The following SGCZ variants were observed in gnomAD, a reference collection of about 807,000 sequenced individuals.
The protein encoded by SGCZ is sarcoglycan zeta.
In SGCZ, 40 loss-of-function variants were observed where a neutral mutation model predicts 41.3. The ratio of observed to expected loss-of-function variants is 0.97; its 90% CI spans 0.75 to 1.26. The LOEUF (loss-of-function observed/expected upper bound fraction) is 1.26, where lower values mean the gene tolerates loss of function less well. SGCZ is among the 50% of genes most tolerant of loss of function. SGCZ has a pLI of 0.00. For synonymous variants in SGCZ, 206 were observed against 137.5 expected, an observed-to-expected ratio of 1.50 and a Z score of -3.49; for missense variants, 552 against 369.8, an observed-to-expected ratio of 1.49 and a Z score of -4.04.
intron 4 of SGCZ, among the ~76,000 whole-genome samples, chr8:14,232,318 G>C (rs1270814907): frequency 6.6e-6 from 1 of 151,940 alleles, no homozygotes; most frequent in Non-Finnish European, 1.5e-5. Flanking sequence ...GATCTCTGAA[G>C]AAACCAGTCA....
chr8:14,246,604 A>ATTATT (rs1799100542), intron 3 of SGCZ, among the ~76,000 whole-genome samples: 1 of 151,744 alleles, frequency 6.6e-6, no homozygotes. Flanking sequence ...AATAAGAAAA[A>ATTATT]AAAAAAGAAA....
chr8:14,691,182 G>C (rs1287893093), intron 1 of SGCZ, among the ~76,000 whole-genome samples: 7 of 152,094 alleles, frequency 4.6e-5, no homozygotes, highest in Non-Finnish European at 1.0e-4. Flanking sequence ...AGTCTATCTA[G>C]ATGAATCAAC....
chr8:14,396,984 G>C (rs1798938005), intron 2 of SGCZ, among the ~76,000 whole-genome samples: 1 of 152,072 alleles, frequency 6.6e-6, no homozygotes, highest in Non-Finnish European at 1.5e-5. Flanking sequence ...TAAGATTGTT[G>C]TTGAAAATAA....
intron 2 of SGCZ, among the ~76,000 whole-genome samples, chr8:14,551,598 T>TATATATATA (rs1803864824): frequency 3.8e-5 from 1 of 26,628 alleles, no homozygotes; most frequent in Non-Finnish European, 6.0e-5. Context: ...TAATATATAT[T>TATATATATA]ATATATATTA....
At chr8:14,610,973 T>A (rs73194124) in intron 1 of SGCZ, among the ~76,000 whole-genome samples, 1 of 152,164 alleles carries the variant, frequency 6.6e-6, no homozygotes, top group Admixed American at 6.6e-5. Flanking sequence ...ACATTTCCTG[T>A]TTTCTTTGAT....
intron 1 of SGCZ, among the ~76,000 whole-genome samples, chr8:15,046,584 C>A (rs1804309207): frequency 6.6e-6 from 1 of 151,972 alleles, no homozygotes; most frequent in African/African-American, 2.4e-5. Context: ...ATATTCTAGA[C>A]TTATCTTGTT....
rs150723591 is a variant in SGCZ, at chr8:14,443,193, C to T, written c.234+111539G>A. Among the ~76,000 whole-genome samples, 342 of 152,290 alleles carry T rather than the reference C, an allele frequency of 2.2e-3. 4 individuals carry two copies. Among genetic ancestry groups the T allele is most frequent in the Non-Finnish European group, 4.0e-3 (271 of 68,034 alleles). On this transcript the variant is annotated intron_variant, in intron 2 of 7. Coordinates refer to ENST00000382080, the MANE Select transcript of SGCZ (RefSeq NM_139167.4). ...AACAAATGGAAGAATATTCCATGCT[C>T]ATGGGTAGGAAGAATCAATATTGTG...
intron 3 of SGCZ, among the ~76,000 whole-genome samples, chr8:14,308,499 G>A (rs1801418697): frequency 6.6e-6 from 1 of 151,840 alleles, no homozygotes; most frequent in Non-Finnish European, 1.5e-5. Flanking sequence ...TCAATGCAGG[G>A]TACCAAGGGC....
chr8:14,770,244 C>G (rs1800190473), intron 1 of SGCZ, among the ~76,000 whole-genome samples: 1 of 151,532 alleles, frequency 6.6e-6, no homozygotes, highest in Non-Finnish European at 1.5e-5. Flanking sequence ...TTGACGAGTT[C>G]TAGCAGACTA....
intron 2 of SGCZ, among the ~76,000 whole-genome samples, chr8:14,530,922 C>G (rs1803109165): frequency 6.6e-6 from 1 of 152,170 alleles, no homozygotes; most frequent in African/African-American, 2.4e-5. Context: ...AAGTGAGGCT[C>G]TACTACAGGT....
intron 5 of SGCZ, among the ~76,000 whole-genome samples, chr8:14,143,373 A>T (rs973752054): frequency 1.3e-5 from 2 of 152,210 alleles, no homozygotes; most frequent in African/African-American, 4.8e-5. Context: ...GGAAGAAATA[A>T]AATTTTCTCT....
chr8:15,131,021 T>A (rs1807878577), intron 1 of SGCZ, among the ~76,000 whole-genome samples: 1 of 152,180 alleles, frequency 6.6e-6, no homozygotes, highest in African/African-American at 2.4e-5. Context: ...TACTAGGATT[T>A]TTTTCAAAAT....
chr8:14,941,092 A>G (rs1024012342), intron 1 of SGCZ, among the ~76,000 whole-genome samples: 2 of 152,140 alleles, frequency 1.3e-5, no homozygotes, highest in African/African-American at 4.8e-5. Flanking sequence ...CAAAGTTTAA[A>G]AAAAGAGTTA....
At chr8:14,763,850 ATAGT>A (rs1488545099) in intron 1 of SGCZ, among the ~76,000 whole-genome samples, 1 of 152,242 alleles carries the variant, frequency 6.6e-6, no homozygotes, top group Non-Finnish European at 1.5e-5. Context: ...AAGGACACAG[ATAGT>A]TAGGAACTAT....
chr8:15,156,472 A>G (rs1799333540), intron 1 of SGCZ, among the ~76,000 whole-genome samples: 1 of 152,226 alleles, frequency 6.6e-6, no homozygotes, highest in African/African-American at 2.4e-5. Context: ...ATGTACTTGG[A>G]AAGAACATAC....
intron 1 of SGCZ, among the ~76,000 whole-genome samples, chr8:15,185,205 G>A (rs1585651109): frequency 6.6e-6 from 1 of 152,296 alleles, no homozygotes; most frequent in African/African-American, 2.4e-5. Context: ...AAAATAGAGG[G>A]AAAGCCAGGG....
At chr8:14,848,553 C>A (rs936176881) in intron 1 of SGCZ, among the ~76,000 whole-genome samples, 2 of 152,154 alleles carry the variant, frequency 1.3e-5, no homozygotes, top group African/African-American at 4.8e-5. Context: ...TAGACCCACA[C>A]ACGTATGGAA....
At position 14,776,907 on chromosome 8, in the gene SGCZ, T is replaced by A. The variant is rs959938654; in HGVS notation, c.40-221981A>T. 2.6e-5 allele frequency among the ~76,000 whole-genome samples: 4 copies of A among 152,340 alleles called. No homozygotes were observed. The East Asian group carries it at 5.8e-4, about 22-fold the overall frequency. ...AGGTTATAGACTGACCACAGAAATG[T>A]TAGAACAATCCCTTGATGTATACCA... On this transcript the variant is annotated intron_variant, in intron 1 of 7. Coordinates refer to ENST00000382080, the MANE Select transcript of SGCZ (RefSeq NM_139167.4).
chr8:14,716,324 A>G lies in SGCZ; in HGVS notation c.40-161398T>C, dbSNP rs185185594. Among the ~76,000 whole-genome samples, 47 of 152,212 alleles carry G rather than the reference A, an allele frequency of 3.1e-4. 1 individual carries two copies. The East Asian group carries it at 8.9e-3, about 29-fold the overall frequency. ...TTTATTTCTTGAACAATGAGAGCAA[A>G]ATCATAAACTTCAAAATTTTTCCAT... is the stretch of plus-strand genomic sequence containing the variant. On this transcript the variant is annotated intron_variant, in intron 1 of 7. Coordinates refer to ENST00000382080, the MANE Select transcript of SGCZ (RefSeq NM_139167.4).
Sources: gnomAD v4.1 joint callset for allele counts (sites outside exome capture counted in the v4.1 genomes callset) on GRCh38, gnomAD v4.1.1 for gene constraint, MANE v1.5 for transcripts, NCBI Gene and HGNC (gene_info 2026-07-23, HGNC 2026-07-21) for gene names.